The following SPINK5 variants were observed in gnomAD, a reference collection of about 807,000 sequenced individuals.
SPINK5 encodes the protein serine peptidase inhibitor Kazal type 5.
A neutral mutation model predicts 151.8 loss-of-function variants in SPINK5; 125 were observed. That is an observed-to-expected ratio of 0.82 (90% CI 0.71 to 0.96). SPINK5 has a LOEUF of 0.96. SPINK5 is among the 40% of genes least tolerant of loss of function. The probability of loss-of-function intolerance (pLI) is 0.00; values close to 1 mark genes in which losing one functional copy is unlikely to be tolerated. For synonymous variants in SPINK5, 374 were observed against 395.3 expected (o/e 0.95, Z 0.64); for missense variants, 1,194 against 1,291.9 (o/e 0.92, Z 1.16).
At chr5:148,064,880 G>A (rs932333088) in intron 1 of SPINK5, among the ~76,000 whole-genome samples, 1 of 152,022 alleles carries the variant, frequency 6.6e-6, no homozygotes, top group Non-Finnish European at 1.5e-5. Context: ...GCTGTAATAA[G>A]GAGGTAGAGC....
chr5:148,106,971 C>T lies in SPINK5; in HGVS notation c.1480-66C>T, dbSNP rs903601086. The T allele has an allele frequency of 8.8e-6, 14 of 1,594,192 alleles. No homozygotes were observed. The Middle Eastern group carries it at 1.8e-3, about 211-fold the overall frequency. ...TTTTTACTCTACGTTACATATTCCTCATAATAGGAAAAGATGCAGGAAGGA... is the reference window on the plus strand; with the variant it reads ...TTTTTACTCTACGTTACATATTCCTTATAATAGGAAAAGATGCAGGAAGGA... On this transcript the variant is annotated intron_variant, in intron 16 of 32. Transcript: ENST00000256084.
intron 26 of SPINK5, among the ~76,000 whole-genome samples, chr5:148,122,285 C>T (rs1754290648): frequency 6.6e-6 from 1 of 152,050 alleles, no homozygotes; most frequent in Admixed American, 6.6e-5. Context: ...AAAATACTTC[C>T]AGTAATTTGT....
In SPINK5 at chr5:148,114,428, C is replaced by T. The variant is rs1308767411; in HGVS notation, c.1954C>T (p.Pro652Ser). 1 of 1,613,702 alleles carries T rather than the reference C, an allele frequency of 6.2e-7. No homozygotes were observed. The highest frequency in any genetic ancestry group is 1.1e-5 in the South Asian group (1 of 91,060). Residue 652 changes from proline (P) to serine (S), a missense_variant, in exon 21 of 33, where the codon CCT becomes TCT. Coordinates refer to ENST00000256084, the MANE Select transcript of SPINK5 (RefSeq NM_006846.4). ...GKLFCTRENDPVRGPDGKTHG... is the reference protein window; with the variant it reads ...GKLFCTRENDSVRGPDGKTHG... ...ACTTTTCTGCACAAGAGAAAATGAT[C>T]CTGTGCGTGGCCCAGATGGCAAGAC...
At chr5:148,106,948 T>C (rs1753796024) in intron 16 of SPINK5, 89 bp from the exon 17 acceptor site, 1 of 1,565,824 alleles carries the variant, frequency 6.4e-7, no homozygotes, top group East Asian at 2.4e-5. Flanking sequence ...GTTTTTACTT[T>C]TTACTCTACG....
intron 15 of SPINK5, among the ~76,000 whole-genome samples, chr5:148,102,240 G>A (rs1753666773): frequency 6.6e-6 from 1 of 152,042 alleles, no homozygotes; most frequent in Admixed American, 6.6e-5. Context: ...GTGAGGGTTG[G>A]GAATGAGGAA....
In SPINK5 at chr5:148,136,918, A is replaced by G. The variant is rs745529814; in HGVS notation, c.3187-65A>G. ...CTTTGATTAAGATGCAGCTATAAAT[A>G]TACAGCCCACATTTCTGCAATATCT... On this transcript the variant is annotated intron_variant, in intron 32 of 32. Coordinates refer to ENST00000256084, the MANE Select transcript of SPINK5 (RefSeq NM_006846.4). The G allele has an allele frequency of 6.4e-5, 102 of 1,587,704 alleles. 1 individual carries two copies. The highest frequency in any genetic ancestry group is 3.3e-4 in the Middle Eastern group (2 of 6,052).
chr5:148,123,137 C>A (rs1034351811), intron 26 of SPINK5, among the ~76,000 whole-genome samples: 1 of 151,100 alleles, frequency 6.6e-6, no homozygotes, highest in African/African-American at 2.4e-5. Context: ...TCACTTGAGG[C>A]CAAGAGTTTA....
At chr5:148,108,606 A>T in intron 17 of SPINK5, 147 bp from the exon 18 acceptor site, 1 of 1,145,818 alleles carries the variant, frequency 8.7e-7, no homozygotes, top group Non-Finnish European at 1.2e-6. Flanking sequence ...ACTATTGGTT[A>T]AAGCAAAAGC....
Position 148,107,182 on chromosome 5 carries a change from C to G in SPINK5, c.1607+18C>G, listed in dbSNP as rs1308156475. On this transcript the variant is annotated intron_variant, in intron 17 of 32. Transcript: ENST00000256084. ...AGTGTGTTGTGAGTGTCCACCCCAT[C>G]TCTCCCACTGAATTTCTTCATCCAT... The G allele has an allele frequency of 6.2e-7, 1 of 1,609,362 alleles. No homozygotes were observed. The highest frequency in any genetic ancestry group is 8.5e-7 in the Non-Finnish European group (1 of 1,177,216).
chr5:148,124,098 T>C (rs1017302075), intron 27 of SPINK5, 138 bp downstream of exon 27: 138 of 1,020,508 alleles, frequency 1.4e-4, no homozygotes, highest in Non-Finnish European at 1.9e-4. Context: ...AGAGACAATT[T>C]CCAAAGCACT....
rs1017737800 is a variant in SPINK5, at chr5:148,127,093, T to G, written c.2964+14T>G. ...TTCAGTTCTCTGGTAAGGAGGACTA[T>G]TTCTGAAAAGCTACTTATCAATTTA... On this transcript the variant is annotated intron_variant, in intron 30 of 32. Coordinates refer to ENST00000256084, the MANE Select transcript of SPINK5 (RefSeq NM_006846.4). 6 of 1,598,316 alleles carry G rather than the reference T, an allele frequency of 3.8e-6. No homozygotes were observed. The highest frequency in any genetic ancestry group is 5.1e-6 in the Non-Finnish European group (6 of 1,167,076).
intron 1 of SPINK5, among the ~76,000 whole-genome samples, chr5:148,064,377 T>G (rs1752521685): frequency 6.6e-6 from 1 of 152,240 alleles, no homozygotes; most frequent in African/African-American, 2.4e-5. Flanking sequence ...AATAGATTCT[T>G]CTTCATCTTC....
At chr5:148,122,041 C>A (rs11168028) in intron 26 of SPINK5, among the ~76,000 whole-genome samples, 85,011 of 150,998 alleles carry the variant, frequency 0.56, 24,532 homozygotes, top group Admixed American at 0.65. Flanking sequence ...AGAGAACTAC[C>A]GTTTTATCTA....
intron 22 of SPINK5, among the ~76,000 whole-genome samples, chr5:148,116,673 A>G: frequency 6.6e-6 from 1 of 152,202 alleles, no homozygotes. Context: ...GAAATAATTA[A>G]CAATATGTAA....
At chr5:148,108,221 T>C (rs1753831341) in intron 17 of SPINK5, among the ~76,000 whole-genome samples, 1 of 152,206 alleles carries the variant, frequency 6.6e-6, no homozygotes. Flanking sequence ...CCCCCAAAGA[T>C]TAGCAGTTGA....
intron 16 of SPINK5, 50 bp downstream of exon 16, chr5:148,105,050 T>C (rs778740911): frequency 6.4e-7 from 1 of 1,557,386 alleles, no homozygotes; most frequent in African/African-American, 1.4e-5. Flanking sequence ...TTTCATTTCT[T>C]TATAATTCTT....
rs751402960 is a variant in SPINK5 at position 148,118,486 on chromosome 5, G to C, written c.2162G>C (p.Cys721Ser). Residue 721 changes from cysteine to serine, a missense_variant, in exon 23 of 33, where the codon TGT (cysteine) becomes TCT (serine). Transcript: ENST00000256084. ...CAAATGAAAAATGGAAGACTCAGCT[G>C]TACTCGGGAGAGTGATCCTGTACGT... ...REQMKNGRLS[C>S]TRESDPVRDA... 1 of 1,614,122 alleles carries C rather than the reference G, an allele frequency of 6.2e-7. No individual in the cohort carries two copies. Among genetic ancestry groups the C allele is most frequent in the East Asian group, 2.2e-5 (1 of 44,862 alleles).
At chr5:148,079,106 T>C (rs1422062442) in intron 4 of SPINK5, among the ~76,000 whole-genome samples, 1 of 151,030 alleles carries the variant, frequency 6.6e-6, no homozygotes, top group Non-Finnish European at 1.5e-5. Context: ...GTATGTGCCC[T>C]GGAGAAACTA....
rs139260228 is a variant in SPINK5 at position 148,118,935 on chromosome 5, C to T, written c.2241-51C>T. On this transcript the variant is annotated intron_variant, in intron 23 of 32. Coordinates refer to ENST00000256084, the MANE Select transcript of SPINK5 (RefSeq NM_006846.4). ...GCACGGGACACACTTAGTGCATAAT[C>T]CAGGGTCAATATTTGTTAACAAGAT... The T allele has an allele frequency of 2.9e-5, 46 of 1,578,556 alleles. No individual in the cohort carries two copies. The African/African-American group carries it at 4.8e-4, about 17-fold the overall frequency.
Sources: allele counts gnomAD v4.1 joint callset (sites outside exome capture counted in the v4.1 genomes callset), GRCh38; gene constraint gnomAD v4.1.1; transcripts MANE v1.5; gene names NCBI Gene and HGNC (gene_info 2026-07-23, HGNC 2026-07-21).